PANK1: variants seen among roughly 807,000 people sequenced by gnomAD.
PANK1 encodes the protein pantothenic acid kinase 1.
In PANK1, 18 loss-of-function variants were observed where a neutral mutation model predicts 40.1. The observed-to-expected ratio is 0.45, with a 90% CI of 0.31 to 0.67. PANK1 has a LOEUF of 0.67. Among genes scored for constraint, PANK1 ranks in the 30% least tolerant of loss-of-function variants. PANK1 has a pLI of 0.06. For synonymous variants in PANK1, 242 were observed against 237.7 expected, an observed-to-expected ratio of 1.02 and a Z score of -0.17; for missense variants, 457 against 599.6, an observed-to-expected ratio of 0.76 and a Z score of 2.48.
At chr10:89,630,752 G>T (rs1036772178) in intron 1 of PANK1, among the ~76,000 whole-genome samples, 1 of 152,138 alleles carries the variant, frequency 6.6e-6, no homozygotes, top group African/African-American at 2.4e-5. Context: ...TCGGCCTTCC[G>T]AAGTGCTGGA....
intron 1 of PANK1, among the ~76,000 whole-genome samples, chr10:89,631,979 T>G (rs1326204969): frequency 6.6e-6 from 1 of 151,312 alleles, no homozygotes; most frequent in South Asian, 2.1e-4. Context: ...TGTGTGTGTT[T>G]TTTTTTTTAA....
At chr10:89,581,574 A>G (rs1844051958), downstream of PANK1, 1 of 152,244 alleles carries the variant, frequency 6.6e-6, no homozygotes, top group African/African-American at 2.4e-5. Context: ...GCCCACCACC[A>G]TGCCTAGCTT....
chr10:89,621,350 T>C (rs1298181883), intron 1 of PANK1, among the ~76,000 whole-genome samples: 1 of 152,114 alleles, frequency 6.6e-6, no homozygotes, highest in Non-Finnish European at 1.5e-5. Flanking sequence ...TAATGAATTA[T>C]CTCTTTAAAA....
intron 1 of PANK1, among the ~76,000 whole-genome samples, chr10:89,638,228 T>C (rs1038080008): frequency 6.6e-6 from 1 of 152,278 alleles, no homozygotes; most frequent in Non-Finnish European, 1.5e-5. Flanking sequence ...TATAATCTTA[T>C]AGGACTACCT....
chr10:89,588,649 T>C lies in PANK1; in HGVS notation c.1326+3A>G. 1 of 1,597,850 alleles carries C rather than the reference T, an allele frequency of 6.3e-7. No individual in the cohort carries two copies. The highest frequency in any genetic ancestry group is 8.5e-7 in the Non-Finnish European group (1 of 1,174,244). ...ACAGTAAGTCTATGCAAGCTCAACC[T>C]ACCTCATGTTCCAAAAACAGAGCTT... On this transcript the variant is annotated splice_donor_region_variant and intron_variant, in intron 6 of 6. Coordinates refer to ENST00000307534, the MANE Select transcript of PANK1 (RefSeq NM_148977.3).
At chr10:89,605,178 A>G (rs1204079461) in intron 2 of PANK1, among the ~76,000 whole-genome samples, 2 of 152,204 alleles carry the variant, frequency 1.3e-5, no homozygotes, top group Admixed American at 6.5e-5. Flanking sequence ...TCTCCCCTCA[A>G]TGTTGAGAGC....
intron 1 of PANK1, among the ~76,000 whole-genome samples, chr10:89,616,882 C>G (rs1845336425): frequency 6.6e-6 from 1 of 151,704 alleles, no homozygotes; most frequent in Non-Finnish European, 1.5e-5. Context: ...GATCACTCCA[C>G]TGCACTCCAG....
At chr10:89,634,318 T>C (rs1841738309) in intron 1 of PANK1, among the ~76,000 whole-genome samples, 1 of 152,184 alleles carries the variant, frequency 6.6e-6, no homozygotes, top group South Asian at 2.1e-4. Flanking sequence ...GGGATCCAAG[T>C]AACTGGCTGC....
intron 6 of PANK1, among the ~76,000 whole-genome samples, chr10:89,585,772 G>A (rs1004473226): frequency 1.5e-4 from 23 of 152,190 alleles, no homozygotes; most frequent in African/African-American, 5.5e-4. Flanking sequence ...GAGAAATTTA[G>A]TGAGGACTCC....
At chr10:89,630,580 C>T (rs1452178952) in intron 1 of PANK1, among the ~76,000 whole-genome samples, 2 of 151,642 alleles carry the variant, frequency 1.3e-5, no homozygotes, top group African/African-American at 4.8e-5. Context: ...GCAAGCTCTG[C>T]CTCCCGGGTT....
At chr10:89,595,331 A>T (rs1411689571) in intron 3 of PANK1, among the ~76,000 whole-genome samples, 2 of 151,972 alleles carry the variant, frequency 1.3e-5, no homozygotes, top group African/African-American at 4.8e-5. Flanking sequence ...GACACCTGTA[A>T]TCCAAGCTAC....
At chr10:89,606,960 A>G (rs1342327852) in intron 2 of PANK1, among the ~76,000 whole-genome samples, 1 of 152,238 alleles carries the variant, frequency 6.6e-6, no homozygotes. Context: ...CAGATGACTA[A>G]AAGTCTGTAT....
chr10:89,644,706 C>A lies in PANK1; in HGVS notation c.186G>T (p.Pro62=). The A allele has an allele frequency of 6.5e-7, 1 of 1,541,430 alleles. No individual in the cohort carries two copies. The change falls in exon 1 of 7, where the codon CCG becomes CCT. Residue 62 remains proline, a synonymous_variant. Transcript: ENST00000307534. ...GCTGCGGCTGCAGCTCCGGCAGGAG[C>A]GGGAGGCGCTGGGGCGCCGCGTCGC... ...GGSDAAPQRL[P]LLPELQPQPL...
At chr10:89,643,966 A>T in intron 1 of PANK1, 1 of 905,852 alleles carries the variant, frequency 1.1e-6, no homozygotes, top group Non-Finnish European at 1.5e-6. Context: ...ATCCACCTCC[A>T]ATCCTCATTG....
At chr10:89,584,784 A>G (rs774908978) in intron 6 of PANK1, among the ~76,000 whole-genome samples, 1 of 152,202 alleles carries the variant, frequency 6.6e-6, no homozygotes, top group Non-Finnish European at 1.5e-5. Context: ...CATATGAGAA[A>G]TGGAAGGTAA....
chr10:89,612,269 C>T (rs781212041), intron 1 of PANK1, among the ~76,000 whole-genome samples: 8 of 152,202 alleles, frequency 5.3e-5, no homozygotes, highest in Admixed American at 3.9e-4. Flanking sequence ...CACTGCACTC[C>T]ACTCAGAATT....
At chr10:89,632,449 C>A (rs936689240) in intron 1 of PANK1, among the ~76,000 whole-genome samples, 3 of 151,848 alleles carry the variant, frequency 2.0e-5, no homozygotes, top group Admixed American at 6.6e-5. Context: ...TATAAATCAC[C>A]CTAGAAAGGT....
chr10:89,623,173 GT>G (rs893186328), intron 1 of PANK1, among the ~76,000 whole-genome samples: 17 of 152,166 alleles, frequency 1.1e-4, no homozygotes, highest in Non-Finnish European at 2.5e-4. Flanking sequence ...TTGGGGTGAT[GT>G]TTTTTTCTTC....
At chr10:89,627,286 G>C (rs75346640) in intron 1 of PANK1, among the ~76,000 whole-genome samples, 1 of 151,560 alleles carries the variant, frequency 6.6e-6, no homozygotes, top group South Asian at 2.1e-4. Flanking sequence ...AATTTGCCAC[G>C]TGCTGGTGCT....
Sources: allele counts gnomAD v4.1 joint callset (sites outside exome capture counted in the v4.1 genomes callset), GRCh38; gene constraint gnomAD v4.1.1; transcripts MANE v1.5; gene names NCBI Gene and HGNC (gene_info 2026-07-23, HGNC 2026-07-21).